NRG2: variants seen among roughly 807,000 people sequenced by gnomAD.
The protein encoded by NRG2 is neuregulin 2.
NRG2 carries 27 observed loss-of-function variants against 73.9 expected under a neutral mutation model. That is an observed-to-expected ratio of 0.37 (90% CI 0.27 to 0.50). The LOEUF is 0.50. NRG2 is among the 20% of genes least tolerant of loss of function. The pLI, the probability that NRG2 is intolerant of heterozygous loss-of-function variation, is 0.96. For missense variants in NRG2, 1,126 were observed against 1,210.1 expected, an observed-to-expected ratio of 0.93 and a Z score of 1.03; for synonymous variants, 532 against 541.0, an observed-to-expected ratio of 0.98 and a Z score of 0.23.
intron 1 of NRG2, among the ~76,000 whole-genome samples, chr5:139,913,489 G>C (rs530940418): frequency 6.6e-6 from 1 of 152,286 alleles, no homozygotes; most frequent in Admixed American, 6.5e-5. Context: ...TTATTCTGTA[G>C]CTTCAACACT....
chr5:140,022,509 A>T (rs1427469446), intron 1 of NRG2, among the ~76,000 whole-genome samples: 1 of 152,222 alleles, frequency 6.6e-6, no homozygotes, highest in Non-Finnish European at 1.5e-5. Context: ...GCACAAAGAA[A>T]GCATCCAATA....
Position 139,848,593 on chromosome 5 carries a change from G to A in NRG2, c.1877C>T (p.Ala626Val). The A allele has an allele frequency of 6.4e-7, 1 of 1,568,338 alleles. No homozygotes were observed. Among genetic ancestry groups the A allele is most frequent in the Admixed American group, 1.7e-5 (1 of 57,426 alleles). ...PTFEITSPNSAHAVSLPPAAP... is the reference protein window; with the variant it reads ...PTFEITSPNSVHAVSLPPAAP... ...CGCCGGCGGCAGCGACACGGCGTGC[G>A]CCGAGTTGGGGGACGTGATCTCGAA... Residue 626 changes from alanine to valine, a missense_variant, in exon 10 of 10, where the codon GCG (alanine) becomes GTG (valine). Physicochemically the swap from Ala to Val is moderately conservative, Grantham distance 64 (BLOSUM62 0). Coordinates refer to ENST00000361474, the MANE Select transcript of NRG2 (RefSeq NM_004883.3).
At chr5:140,035,116 C>A (rs186424788) in intron 1 of NRG2, among the ~76,000 whole-genome samples, 2 of 152,146 alleles carry the variant, frequency 1.3e-5, no homozygotes, top group Admixed American at 1.3e-4. Flanking sequence ...ATTTTCATTC[C>A]CCTTTCATTT....
chr5:139,971,427 T>C (rs1001427209), intron 1 of NRG2, among the ~76,000 whole-genome samples: 4 of 152,150 alleles, frequency 2.6e-5, no homozygotes, highest in African/African-American at 9.7e-5. Context: ...TGCCCACCAT[T>C]CTTCACCCAA....
At chr5:139,975,451 C>G (rs1456295946) in intron 1 of NRG2, among the ~76,000 whole-genome samples, 1 of 152,174 alleles carries the variant, frequency 6.6e-6, no homozygotes, top group African/African-American at 2.4e-5. Context: ...CCTCAGTACC[C>G]CTCCCTGAGC....
chr5:139,880,831 C>G (rs1254504071), intron 3 of NRG2, 25 bp downstream of exon 3: 2 of 1,599,972 alleles, frequency 1.3e-6, no homozygotes, highest in Admixed American at 3.3e-5. Flanking sequence ...CTCTAGGACC[C>G]TTCCCTCTGT....
intron 1 of NRG2, among the ~76,000 whole-genome samples, chr5:139,975,376 G>A (rs749769623): frequency 1.1e-4 from 16 of 152,292 alleles, no homozygotes; most frequent in Non-Finnish European, 1.6e-4. Context: ...AACCGGCCCC[G>A]CAGTGTGGCC....
intron 1 of NRG2, among the ~76,000 whole-genome samples, chr5:139,893,207 CAAG>C (rs1764331545): frequency 1.3e-5 from 2 of 152,074 alleles, no homozygotes; most frequent in African/African-American, 4.8e-5. Context: ...AACATTTTTC[CAAG>C]TCTAGAATCA....
rs987897684 is a variant in NRG2, at chr5:139,852,852, A to G, written c.1416+52T>C. ...GCCCATCCTTGCAGGGGGCATGAGA[A>G]GGCTGGCTGTCCACTGAGGGCTCAG... On this transcript the variant is annotated intron_variant, in intron 7 of 9. Coordinates refer to ENST00000361474, the MANE Select transcript of NRG2 (RefSeq NM_004883.3). This position sits in a 1 kb window ranked among gnomAD's most constrained non-coding sequence, Gnocchi z 4.4. 4.4e-5 allele frequency: 71 copies of G among 1,608,116 alleles called. No individual in the cohort carries two copies. The highest frequency in any genetic ancestry group is 5.9e-5 in the Non-Finnish European group (69 of 1,178,656).
At chr5:139,961,593 C>T (rs909639673) in intron 1 of NRG2, among the ~76,000 whole-genome samples, 3 of 152,240 alleles carry the variant, frequency 2.0e-5, no homozygotes, top group Non-Finnish European at 2.9e-5. Flanking sequence ...GTGACCTCCA[C>T]ATCTGGTCAG....
intron 1 of NRG2, among the ~76,000 whole-genome samples, chr5:140,018,976 C>T (rs1760008081): frequency 1.3e-5 from 2 of 152,162 alleles, no homozygotes; most frequent in South Asian, 4.1e-4. Context: ...CCTCCTAGGT[C>T]CATATTATCC....
At chr5:139,906,047 G>A (rs1276780176) in intron 1 of NRG2, among the ~76,000 whole-genome samples, 3 of 151,848 alleles carry the variant, frequency 2.0e-5, no homozygotes, top group Non-Finnish European at 4.4e-5. Flanking sequence ...TCACTCTGTC[G>A]CCCAGGCTGG....
intron 4 of NRG2, among the ~76,000 whole-genome samples, chr5:139,867,193 C>G (rs1420649050): frequency 6.6e-6 from 1 of 152,194 alleles, no homozygotes; most frequent in African/African-American, 2.4e-5. Context: ...CACCCTGTGA[C>G]CTCAAATCTG....
intron 1 of NRG2, among the ~76,000 whole-genome samples, chr5:139,910,720 C>G (rs993433452): frequency 3.3e-5 from 5 of 152,152 alleles, no homozygotes; most frequent in African/African-American, 1.2e-4. Flanking sequence ...TCCTATGGGA[C>G]ACAAGTTCAG....
At chr5:140,010,785 T>G (rs546938075) in intron 1 of NRG2, among the ~76,000 whole-genome samples, 1 of 152,304 alleles carries the variant, frequency 6.6e-6, no homozygotes, top group East Asian at 1.9e-4. Context: ...ATTGGGTACT[T>G]TAGTTATAGC....
chr5:139,964,595 T>C (rs1340021846), intron 1 of NRG2, among the ~76,000 whole-genome samples: 3 of 152,146 alleles, frequency 2.0e-5, no homozygotes, highest in Non-Finnish European at 4.4e-5. Flanking sequence ...ACATGCATGC[T>C]TGGGGAGTGT....
chr5:139,897,575 G>A (rs534830027), intron 1 of NRG2, among the ~76,000 whole-genome samples: 8 of 152,274 alleles, frequency 5.3e-5, no homozygotes, highest in East Asian at 3.9e-4. Flanking sequence ...CAGAATCGCC[G>A]TGTTTCCTGG....
chr5:139,931,566 C>G (rs556218541), intron 1 of NRG2, among the ~76,000 whole-genome samples: 134 of 152,278 alleles, frequency 8.8e-4, no homozygotes, highest in African/African-American at 2.7e-3. Flanking sequence ...TTTGAAGGAA[C>G]TCCAACTGGA....
intron 1 of NRG2, among the ~76,000 whole-genome samples, chr5:140,033,211 GGAAACCCCCAAATCAAAGC>G (rs1387887851): frequency 6.6e-6 from 1 of 152,196 alleles, no homozygotes; most frequent in East Asian, 1.9e-4. Context: ...TCCCAACCCT[GGAAACCCCCAAATCAAAGC>G]AGGATGAGTC....
Sources: allele counts gnomAD v4.1 joint callset (sites outside exome capture counted in the v4.1 genomes callset), GRCh38; gene constraint gnomAD v4.1.1; non-coding constraint Gnocchi (gnomAD v3.1); transcripts MANE v1.5; gene names NCBI Gene and HGNC (gene_info 2026-07-23, HGNC 2026-07-21).